Variants in RNF123 observed in about 807,000 individuals in gnomAD.
RNF123 encodes the protein E3 ubiquitin-protein ligase RNF123.
A neutral mutation model predicts 168.5 loss-of-function variants in RNF123; 86 were observed. The ratio of observed to expected loss-of-function variants is 0.51; its 90% CI spans 0.43 to 0.61. The LOEUF (loss-of-function observed/expected upper bound fraction) is 0.61, where lower values mean the gene tolerates loss of function less well. RNF123 is among the 20% of genes least tolerant of loss of function. RNF123 has a pLI of 0.00. For missense variants in RNF123, 1,419 were observed against 1,729.7 expected (o/e 0.82, Z 3.19); for synonymous variants, 666 against 689.1 (o/e 0.97, Z 0.52).
chr3:49,704,946 G>A, intron 22 of RNF123, 38 bp from the exon 23 acceptor site: 1 of 1,559,154 alleles, frequency 6.4e-7, no homozygotes, highest in Non-Finnish European at 8.7e-7. Flanking sequence ...AGGGAACCCT[G>A]AGCCAGCCCT....
rs1044067565 is a variant in RNF123, at chr3:49,714,285, A to G, written c.3010+111A>G. On this transcript the variant is annotated intron_variant, in intron 31 of 38. Transcript: ENST00000327697. ...CTTCCAGCCCCTCTCTGGTTCCCCC[A>G]TTGGGTCCCAGACTCCCTACGTGTC... 8 of 962,348 alleles carry G rather than the reference A, an allele frequency of 8.3e-6. 1 individual carries two copies. The highest frequency in any genetic ancestry group is 5.7e-5 in the South Asian group (4 of 70,754). The allele number at this position is 962,348 out of a possible 1,614,324, so 59.6% of individuals were successfully genotyped here.
At position 49,700,623 on chromosome 3, in the gene RNF123, C is replaced by T; in HGVS notation, c.1204-13C>T. 1 of 1,614,216 alleles carries T rather than the reference C, an allele frequency of 6.2e-7. No individual in the cohort carries two copies. The highest frequency in any genetic ancestry group is 8.5e-7 in the Non-Finnish European group (1 of 1,180,048). Reference sequence around the variant, plus strand: ...GGACTCGCCTGTCCACTCTGAACGCCCCCTCTCCACAGATCCATTACCTGC... The same window carrying T: ...GGACTCGCCTGTCCACTCTGAACGCTCCCTCTCCACAGATCCATTACCTGC... On this transcript the variant is annotated splice_polypyrimidine_tract_variant and intron_variant, in intron 14 of 38. Transcript: ENST00000327697.
At chr3:49,712,731 G>A (rs1459469073) in intron 27 of RNF123, 75 bp downstream of exon 27, 1 of 1,527,784 alleles carries the variant, frequency 6.5e-7, no homozygotes, top group African/African-American at 1.4e-5. Flanking sequence ...CCTGGTCTGA[G>A]ACCTCTGTGG....
intron 3 of RNF123, among the ~76,000 whole-genome samples, chr3:49,695,278 T>C (rs1427517691): frequency 1.3e-5 from 2 of 152,128 alleles, no homozygotes; most frequent in African/African-American, 4.8e-5. Flanking sequence ...AATTTTTTTT[T>C]TTTAAGAGAC....
In RNF123 at chr3:49,691,473, C is replaced by A; in HGVS notation, c.131C>A (p.Ser44Tyr). 1.2e-6 allele frequency: 2 copies of A among 1,614,210 alleles called. No individual in the cohort carries two copies. The highest frequency in any genetic ancestry group is 8.5e-7 in the Non-Finnish European group (1 of 1,180,038). The change falls in exon 3 of 39, where the codon TCC becomes TAC. Residue 44 changes from serine to tyrosine, a missense_variant. Ser to Tyr is a moderately radical substitution (Grantham distance 144). Coordinates refer to ENST00000327697, the MANE Select transcript of RNF123 (RefSeq NM_022064.5). Reference sequence around the variant, plus strand: ...AATGACTACCTGAACCGCATCTTTTCCTCTTCTGAACATGCACCCCCAGCA... The same window carrying A: ...AATGACTACCTGAACCGCATCTTTTACTCTTCTGAACATGCACCCCCAGCA... ...LLNDYLNRIF[S>Y]SSEHAPPAAT...
At chr3:49,719,201 C>T in intron 35 of RNF123, 2 of 1,613,302 alleles carry the variant, frequency 1.2e-6, no homozygotes, top group African/African-American at 1.3e-5. Context: ...AGGTGCAGGG[C>T]GCGCAGCTGG....
chr3:49,709,521 C>T (rs1260179365), intron 26 of RNF123, among the ~76,000 whole-genome samples: 7 of 152,172 alleles, frequency 4.6e-5, no homozygotes, highest in East Asian at 3.9e-4. Flanking sequence ...AGGATGGTCT[C>T]GATCTCCTGA....
At position 49,713,551 on chromosome 3, in the gene RNF123, G is replaced by C; in HGVS notation, c.2713G>C (p.Ala905Pro). Reference sequence around the variant, plus strand: ...CCTGACCCGCCTGGCTGCCATTCTCGCCAAACACTTTGCCGACGCACGCAT... The same window carrying C: ...CCTGACCCGCCTGGCTGCCATTCTCCCCAAACACTTTGCCGACGCACGCAT... The part of the protein sequence containing the change: ...ETLTRLAAIL[A>P]KHFADARIVG... Residue 905 changes from alanine to proline, a missense_variant, in exon 28 of 39, where the codon GCC becomes CCC. Physicochemically the swap from Ala to Pro is conservative, Grantham distance 27. Around this residue, in one of 5 missense-constraint regions of RNF123, gnomAD observed 538 missense variants for 708.8 expected, o/e 0.76. Transcript: ENST00000327697. 6.2e-7 allele frequency: 1 copy of C among 1,612,566 alleles called. No individual in the cohort carries two copies.
At chr3:49,720,408 G>T in intron 35 of RNF123, 103 bp from the exon 36 acceptor site, 1 of 1,183,400 alleles carries the variant, frequency 8.5e-7, no homozygotes, top group East Asian at 2.6e-5. Flanking sequence ...ATGCAGGGGG[G>T]GTGATCATGT....
intron 35 of RNF123, chr3:49,717,886 A>G (rs1193900798): frequency 7.9e-6 from 12 of 1,525,894 alleles, no homozygotes; most frequent in Non-Finnish European, 1.1e-5. Flanking sequence ...AGTTCTCTGG[A>G]CCGAAGCAGG....
chr3:49,718,408 A>C, intron 35 of RNF123: 1 of 1,613,050 alleles, frequency 6.2e-7, no homozygotes. Context: ...CCCAGTGGCC[A>C]GGCACACGAA....
chr3:49,719,818 A>G, intron 35 of RNF123: 1 of 248,498 alleles, frequency 4.0e-6, no homozygotes, highest in Non-Finnish European at 8.3e-6. Flanking sequence ...CCAGATGGGG[A>G]GCAAGGCCAA....
In RNF123 at chr3:49,718,209, CCAGCGGCGGCAGCGGCAGGCA is replaced by C. The variant is rs1375183261; in HGVS notation, c.3500+1734_3500+1754del. 10 of 1,612,220 alleles carry C rather than the reference CCAGCGGCGGCAGCGGCAGGCA, an allele frequency of 6.2e-6. No homozygotes were observed. In the African/African-American group the frequency reaches 6.7e-5, roughly 11 times the overall value. On this transcript the variant is annotated intron_variant, in intron 35 of 38. Coordinates refer to ENST00000327697, the MANE Select transcript of RNF123 (RefSeq NM_022064.5). ...CTTGGAGCGGGCTGGGTGTTTGGGG[CCAGCGGCGGCAGCGGCAGGCA>C]CGGCGGCAGCAGCGGCAGGGTGGGG...
chr3:49,698,573 C>T, intron 8 of RNF123, 47 bp downstream of exon 8: 1 of 1,600,016 alleles, frequency 6.2e-7, no homozygotes, highest in Non-Finnish European at 8.6e-7. Context: ...ACTGTTACTA[C>T]AGCTTATTTG....
intron 35 of RNF123, 183 bp from the exon 36 acceptor site, chr3:49,720,328 A>C (rs572000183): frequency 2.0e-6 from 1 of 502,228 alleles, no homozygotes; most frequent in Non-Finnish European, 3.2e-6. Context: ...AAAAAAAAAA[A>C]AAAAACAGGC....
At chr3:49,693,547 G>T (rs548617215) in intron 3 of RNF123, among the ~76,000 whole-genome samples, 1 of 151,628 alleles carries the variant, frequency 6.6e-6, no homozygotes, top group East Asian at 1.9e-4. Context: ...AGTAGAGATG[G>T]GGTTTCGCCA....
intron 35 of RNF123, 121 bp from the exon 36 acceptor site, chr3:49,720,390 C>T (rs1342368479): frequency 7.0e-6 from 7 of 998,088 alleles, no homozygotes; most frequent in East Asian, 5.4e-5. Flanking sequence ...AGCAGGGAGA[C>T]GGAAAGGATG....
chr3:49,690,213 T>C (rs1188162044), intron 1 of RNF123, among the ~76,000 whole-genome samples: 1 of 152,246 alleles, frequency 6.6e-6, no homozygotes, highest in Non-Finnish European at 1.5e-5. Flanking sequence ...ACTCTAGACC[T>C]GCGCTGTCTA....
chr3:49,702,527 C>T (rs1362510919), intron 19 of RNF123, 106 bp from the exon 20 acceptor site: 1 of 1,606,484 alleles, frequency 6.2e-7, no homozygotes, highest in African/African-American at 1.3e-5. Context: ...TTCTCTGCTG[C>T]TTTTCCCTCC....
Sources: gnomAD v4.1 joint callset for allele counts (sites outside exome capture counted in the v4.1 genomes callset) on GRCh38, gnomAD v4.1.1 for gene constraint, gnomAD v4.1.1 regional missense constraint, MANE v1.5 for transcripts, NCBI Gene and HGNC (gene_info 2026-07-23, HGNC 2026-07-21) for gene names.